Variants in LRRIQ1 observed in about 807,000 individuals in gnomAD.
LRRIQ1 encodes leucine rich repeats and IQ motif containing 1, also known as leucine-rich repeat- and IQ domain-containing protein 1.
LRRIQ1 carries 210 observed loss-of-function variants against 211.9 expected under a neutral mutation model. The observed-to-expected ratio is 0.99, with a 90% CI of 0.89 to 1.11. LRRIQ1 has a LOEUF of 1.11. Ranked by LOEUF, LRRIQ1 falls within the 50% of genes most tolerant of loss-of-function variation. The probability of loss-of-function intolerance (pLI) is 0.00; values close to 1 mark genes in which losing one functional copy is unlikely to be tolerated. For synonymous variants in LRRIQ1, 699 were observed against 650.1 expected, an observed-to-expected ratio of 1.08 and a Z score of -1.14; for missense variants, 2,136 against 1,939.5, an observed-to-expected ratio of 1.10 and a Z score of -1.90.
chr12:85,257,058 T>TTATATAATTATATAAATA lies in LRRIQ1; in HGVS notation c.122-5843_122-5826dup, dbSNP rs1565931248. On this transcript the variant is annotated intron_variant, in intron 1 of 1. Transcript: ENST00000602731. The stretch of plus-strand genomic sequence containing the variant: ...ATATATTATATAATTATATATATAA[T>TTATATAATTATATAAATA]TATATAATTATATAAATATATATAA... 4.0e-4 allele frequency among the ~76,000 whole-genome samples: 46 copies of TTATATAATTATATAAATA among 114,954 alleles called. 1 individual carries two copies. The highest frequency in any genetic ancestry group is 1.6e-3 in the African/African-American group (44 of 28,038). The allele number at this position is 114,954 out of a possible 152,430, so 75.4% of individuals were successfully genotyped here.
intron 24 of LRRIQ1, among the ~76,000 whole-genome samples, chr12:85,199,961 T>G (rs1425563430): frequency 1.3e-5 from 2 of 152,206 alleles, no homozygotes; most frequent in Non-Finnish European, 2.9e-5. Context: ...AGGCTCTTTT[T>G]GGTATCATAT....
intron 24 of LRRIQ1, among the ~76,000 whole-genome samples, chr12:85,176,856 A>T (rs1453535833): frequency 6.6e-6 from 1 of 152,134 alleles, no homozygotes; most frequent in Non-Finnish European, 1.5e-5. Context: ...GCATTAAATT[A>T]CTTATGCCTA....
chr12:85,169,670 GT>G (rs1354142452), intron 24 of LRRIQ1, among the ~76,000 whole-genome samples: 1 of 152,086 alleles, frequency 6.6e-6, no homozygotes, highest in Non-Finnish European at 1.5e-5. Context: ...ACCTTTCCCT[GT>G]AACACTATTT....
In LRRIQ1 at chr12:85,176,581, C is replaced by G. The variant is rs541055450; in HGVS notation, c.4822+15867C>G. 8.9e-5 allele frequency among the ~76,000 whole-genome samples: 10 copies of G among 111,852 alleles called. No individual in the cohort carries two copies. In the East Asian group the frequency reaches 1.7e-3, roughly 18 times the overall value. 73.4% of individuals were successfully genotyped at this position (111,852 alleles called of 152,430 possible). A position where few individuals can be genotyped will look rare whatever the true frequency, so the allele number is the denominator to read the frequency against. ...CACAGGAAGGGGAATATCACACTCT[C>G]GGGACTGTTGTGGGGTGGGGGGAGG... On this transcript the variant is annotated intron_variant, in intron 24 of 26. Coordinates refer to ENST00000393217, the MANE Select transcript of LRRIQ1 (RefSeq NM_001079910.2).
intron 19 of LRRIQ1, among the ~76,000 whole-genome samples, chr12:85,148,727 T>C (rs1299433680): frequency 6.6e-6 from 1 of 152,012 alleles, no homozygotes; most frequent in Non-Finnish European, 1.5e-5. Flanking sequence ...ATCTCCATAC[T>C]GTCTTCCAGA....
Position 85,102,948 on chromosome 12 carries a change from A to AT in LRRIQ1, c.3210-1056_3210-1055insT, listed in dbSNP as rs1260992485. On this transcript the variant is annotated intron_variant, in intron 13 of 26. Transcript: ENST00000393217. ...AGAAGGCTTTTCTAATTGTGGCAAAAAAAAAAAAAAAATATATATATATAT... is the reference window on the plus strand; with the variant it reads ...AGAAGGCTTTTCTAATTGTGGCAAAATAAAAAAAAAAAATATATATATATAT... Among the ~76,000 whole-genome samples the AT allele has an allele frequency of 4.2e-4, 35 of 83,860 alleles. No individual in the cohort carries two copies. In the East Asian group the frequency reaches 5.5e-3, roughly 13 times the overall value. The allele number at this position is 83,860 out of a possible 152,430, so 55.0% of individuals were successfully genotyped here. A position where few individuals can be genotyped will look rare whatever the true frequency, so the allele number is the denominator to read the frequency against.
intron 24 of LRRIQ1, among the ~76,000 whole-genome samples, chr12:85,220,172 T>G (rs1436025541): frequency 6.6e-6 from 1 of 152,144 alleles, no homozygotes; most frequent in Non-Finnish European, 1.5e-5. Flanking sequence ...GAGCCACAAC[T>G]ATGTCCTCCA....
chr12:85,156,192 G>C (rs1158016971), intron 23 of LRRIQ1, among the ~76,000 whole-genome samples: 2 of 151,384 alleles, frequency 1.3e-5, no homozygotes, highest in African/African-American at 4.8e-5. Context: ...TATCACTTTT[G>C]TTTTGCTTTT....
intron 10 of LRRIQ1, among the ~76,000 whole-genome samples, chr12:85,067,762 C>G (rs910962558): frequency 6.6e-6 from 1 of 151,734 alleles, no homozygotes; most frequent in African/African-American, 2.4e-5. Context: ...CAAAGTGTTT[C>G]TATTGCTGTG....
At chr12:85,219,825 C>T (rs923926233) in intron 24 of LRRIQ1, among the ~76,000 whole-genome samples, 1 of 152,046 alleles carries the variant, frequency 6.6e-6, no homozygotes, top group Non-Finnish European at 1.5e-5. Context: ...ACACAAATGG[C>T]TCTTATAGAG....
At chr12:85,268,708 G>T (rs1896474666), downstream of LRRIQ1, among the ~76,000 whole-genome samples, 1 of 151,830 alleles carries the variant, frequency 6.6e-6, no homozygotes, top group South Asian at 2.1e-4. Flanking sequence ...GGAAATATTG[G>T]CTAGTTGTCT....
chr12:85,172,171 ATAG>A (rs538035824), intron 24 of LRRIQ1, among the ~76,000 whole-genome samples: 19 of 152,298 alleles, frequency 1.2e-4, no homozygotes, highest in Admixed American at 3.9e-4. Flanking sequence ...GTAGGGAAGA[ATAG>A]TAACTTTGGT....
At chr12:85,092,655 A>G (rs1592780458) in intron 11 of LRRIQ1, among the ~76,000 whole-genome samples, 1 of 152,204 alleles carries the variant, frequency 6.6e-6, no homozygotes, top group Non-Finnish European at 1.5e-5. Flanking sequence ...GCATCTGGCT[A>G]TACAATGAAC....
In LRRIQ1 at chr12:85,137,868, A is replaced by C; in HGVS notation, c.4228A>C (p.Ile1410Leu). 4 of 1,595,924 alleles carry C rather than the reference A, an allele frequency of 2.5e-6. No individual in the cohort carries two copies. The highest frequency in any genetic ancestry group is 1.4e-5 in the African/African-American group (1 of 73,792). ...TGTTTAGGCAGTTTGGAAGGGCTTT[A>C]TTTTGCGAAAGAAACTGACAACAGC... ...ILIQAVWKGF[I>L]LRKKLTTALE... Residue 1410 changes from isoleucine (I) to leucine (L), a missense_variant, in exon 19 of 27, where the codon ATT (isoleucine) becomes CTT (leucine). By Grantham distance (5) the Ile-to-Leu change is conservative. Transcript: ENST00000393217.
chr12:85,175,546 G>A (rs962708924), intron 24 of LRRIQ1, among the ~76,000 whole-genome samples: 1 of 152,056 alleles, frequency 6.6e-6, no homozygotes, highest in Non-Finnish European at 1.5e-5. Context: ...TTCGTTCAGG[G>A]GTTTTAACAA....
chr12:85,114,077 C>T (rs1887389524), intron 15 of LRRIQ1, among the ~76,000 whole-genome samples: 1 of 152,050 alleles, frequency 6.6e-6, no homozygotes, highest in South Asian at 2.1e-4. Context: ...TTCTTTTACA[C>T]TGGGTTTAAA....
intron 24 of LRRIQ1, among the ~76,000 whole-genome samples, chr12:85,173,057 C>T (rs951365837): frequency 1.2e-4 from 19 of 152,022 alleles, no homozygotes; most frequent in South Asian, 6.2e-4. Flanking sequence ...TGCAGTGAGC[C>T]GAGTTCATGC....
At chr12:85,187,906 A>G in intron 24 of LRRIQ1, among the ~76,000 whole-genome samples, 1 of 152,030 alleles carries the variant, frequency 6.6e-6, no homozygotes, top group Non-Finnish European at 1.5e-5. Flanking sequence ...AGGGCTTCAC[A>G]GAGCACAATT....
intron 11 of LRRIQ1, among the ~76,000 whole-genome samples, chr12:85,096,340 C>T (rs778794164): frequency 5.9e-5 from 9 of 152,050 alleles, no homozygotes; most frequent in Non-Finnish European, 2.9e-5. Flanking sequence ...AGCTGTTTCC[C>T]AGAGATTTTG....
Sources: gnomAD v4.1 joint callset for allele counts (sites outside exome capture counted in the v4.1 genomes callset) on GRCh38, gnomAD v4.1.1 for gene constraint, MANE v1.5 for transcripts, NCBI Gene and HGNC (gene_info 2026-07-23, HGNC 2026-07-21) for gene names.